Variants in E2F2 observed in about 807,000 individuals in gnomAD.
E2F2 encodes the protein transcription factor E2F2.
A neutral mutation model predicts 42.2 loss-of-function variants in E2F2; 22 were observed. The observed-to-expected ratio is 0.52, with a 90% confidence interval of 0.37 to 0.74. The LOEUF (loss-of-function observed/expected upper bound fraction) is 0.74. Ranked by LOEUF, E2F2 falls within the 30% of genes least tolerant of loss-of-function variation. E2F2 has a pLI of 0.00. For missense variants in E2F2, 481 were observed against 557.8 expected (o/e 0.86, Z 1.39); for synonymous variants, 248 against 251.6 (o/e 0.99, Z 0.13).
chr1:23,516,299 C>T, intron 6 of E2F2, 36 bp downstream of exon 6: 3 of 1,442,936 alleles, frequency 2.1e-6, no homozygotes, highest in Middle Eastern at 2.5e-4. Flanking sequence ...GCCGGTCTCT[C>T]CCCCCACCTC....
At chr1:23,524,698 G>A (rs1643219210) in intron 1 of E2F2, among the ~76,000 whole-genome samples, 1 of 152,156 alleles carries the variant, frequency 6.6e-6, no homozygotes, top group Non-Finnish European at 1.5e-5. Context: ...TTTCTGAAGG[G>A]CAAATAAAAC....
In E2F2 at chr1:23,513,561, C is replaced by CGTGT. The variant is rs1558237706; in HGVS notation, c.1045+2773_1045+2774insACAC. On this transcript the variant is annotated intron_variant, in intron 6 of 6. Transcript: ENST00000361729. ...TACTATTTCAGAACACAGCACGGAA[C>CGTGT]ATGTGTGTGTGTGTGTGTGTGTGTG... 6.9e-3 allele frequency among the ~76,000 whole-genome samples: 805 copies of CGTGT among 116,028 alleles called. 7 individuals are homozygous for CGTGT. The highest frequency in any genetic ancestry group is 0.019 in the African/African-American group (603 of 32,306). The allele number at this position is 116,028 out of a possible 152,430, so 76.1% of individuals were successfully genotyped here.
intron 2 of E2F2, among the ~76,000 whole-genome samples, chr1:23,523,164 T>G (rs1289037762): frequency 6.6e-6 from 1 of 151,634 alleles, no homozygotes; most frequent in Non-Finnish European, 1.5e-5. Context: ...GATTTTTTTT[T>G]TTTTTTGGAG....
chr1:23,526,050 T>C (rs1032830380), intron 1 of E2F2, among the ~76,000 whole-genome samples: 5 of 152,056 alleles, frequency 3.3e-5, no homozygotes, highest in African/African-American at 4.8e-5. Context: ...TGGGCTGATG[T>C]GAGGAGCCCT....
At chr1:23,522,415 T>A (rs1383789468) in intron 2 of E2F2, among the ~76,000 whole-genome samples, 1 of 152,216 alleles carries the variant, frequency 6.6e-6, no homozygotes, top group South Asian at 2.1e-4. Context: ...TACAACACCC[T>A]GTAAGGGTTG....
rs111617578 is a variant in E2F2, at chr1:23,513,278, G to A, written c.1045+3057C>T. The stretch of plus-strand genomic sequence containing the variant: ...CTCACAGTCACCAAGTCACTAAGAA[G>A]TGAGATACAGGCTTGAACACAGGTC... On this transcript the variant is annotated intron_variant, in intron 6 of 6. Coordinates refer to ENST00000361729, the MANE Select transcript of E2F2 (RefSeq NM_004091.4). Among the ~76,000 whole-genome samples the A allele has an allele frequency of 4.1e-3, 621 of 152,238 alleles. 3 individuals carry two copies. The highest frequency in any genetic ancestry group is 7.1e-3 in the Non-Finnish European group (485 of 68,026).
downstream of E2F2, among the ~76,000 whole-genome samples, chr1:23,506,174 C>A (rs752137823): frequency 7.9e-5 from 12 of 152,094 alleles, no homozygotes; most frequent in Non-Finnish European, 1.8e-4. Context: ...GGCAGCAAGA[C>A]CTTTCAGGAA....
intron 5 of E2F2, 106 bp from the exon 6 acceptor site, chr1:23,516,633 CA>C: frequency 1.1e-6 from 1 of 915,242 alleles, no homozygotes; most frequent in Non-Finnish European, 1.6e-6. Context: ...GGTGCAAGCT[CA>C]AACCCTGGGC....
intron 1 of E2F2, among the ~76,000 whole-genome samples, chr1:23,527,914 C>T (rs564419293): frequency 4.6e-5 from 7 of 152,320 alleles, no homozygotes; most frequent in African/African-American, 7.2e-5. Flanking sequence ...GAGGCCAAGG[C>T]GGGTGGATCA....
rs2124277323 is a variant in E2F2, at chr1:23,530,489, T to C, written c.252+53A>G. On this transcript the variant is annotated intron_variant, in intron 1 of 6. Transcript: ENST00000361729. This position sits in a 1 kb window ranked among gnomAD's most constrained non-coding sequence, Gnocchi z 4.4. Reference sequence around the variant, plus strand: ...CTGGATCTCAGGCACCCCTCCCTCCTTTCCCACACCTGGAAAAGCATAGGG... The same window carrying C: ...CTGGATCTCAGGCACCCCTCCCTCCCTTCCCACACCTGGAAAAGCATAGGG... The C allele has an allele frequency of 6.3e-7, 1 of 1,596,606 alleles. No homozygotes were observed. The highest frequency in any genetic ancestry group is 8.5e-7 in the Non-Finnish European group (1 of 1,172,268).
At chr1:23,511,415 T>C (rs1642905950) in intron 6 of E2F2, among the ~76,000 whole-genome samples, 1 of 152,060 alleles carries the variant, frequency 6.6e-6, no homozygotes, top group African/African-American at 2.4e-5. Context: ...TTAAACTTTT[T>C]TGTAGAGACA....
rs1643336048 is a variant in E2F2 at position 23,531,198 on chromosome 1, C to G, written c.-405G>C. 1 of 205,302 alleles carries G rather than the reference C, an allele frequency of 4.9e-6. No individual in the cohort carries two copies. Among genetic ancestry groups the G allele is most frequent in the Non-Finnish European group, 9.7e-6 (1 of 103,342 alleles). 12.7% of individuals were successfully genotyped at this position (205,302 alleles called of 1,614,324 possible). A position where few individuals can be genotyped will look rare whatever the true frequency, so the allele number is the denominator to read the frequency against. On this transcript the variant is annotated 5_prime_UTR_variant, in exon 1 of 7. Coordinates refer to ENST00000361729, the MANE Select transcript of E2F2 (RefSeq NM_004091.4). ...GGGGGGTCTCGACTGCACCGACTTCCTTGCGGCTCGCTCTCTAGTCCTTGA... is the reference window on the plus strand; with the variant it reads ...GGGGGGTCTCGACTGCACCGACTTCGTTGCGGCTCGCTCTCTAGTCCTTGA...
At chr1:23,518,466 G>T (rs1381380315) in intron 5 of E2F2, among the ~76,000 whole-genome samples, 1 of 141,864 alleles carries the variant, frequency 7.0e-6, no homozygotes, top group African/African-American at 2.5e-5. Context: ...GTGAGACTCT[G>T]TCTCAAAAAT....
chr1:23,525,441 C>T (rs1053759081), intron 1 of E2F2, among the ~76,000 whole-genome samples: 2 of 152,192 alleles, frequency 1.3e-5, no homozygotes, highest in African/African-American at 4.8e-5. Flanking sequence ...CCAGCTCCTT[C>T]GCAGGCTCAC....
At chr1:23,517,898 G>A (rs1260333821) in intron 5 of E2F2, among the ~76,000 whole-genome samples, 2 of 152,160 alleles carry the variant, frequency 1.3e-5, no homozygotes, top group Non-Finnish European at 1.5e-5. Flanking sequence ...GGCTAGGTGC[G>A]GTGGTTCACG....
At chr1:23,512,380 A>C (rs1200267717) in intron 6 of E2F2, among the ~76,000 whole-genome samples, 1 of 152,020 alleles carries the variant, frequency 6.6e-6, no homozygotes, top group African/African-American at 2.4e-5. Context: ...AATGGCCCTG[A>C]GGGAGTCCAT....
At chr1:23,529,414 A>G (rs182055880) in intron 1 of E2F2, among the ~76,000 whole-genome samples, 25 of 152,284 alleles carry the variant, frequency 1.6e-4, no homozygotes, top group Non-Finnish European at 3.1e-4. Context: ...CTCTGCCTGC[A>G]TCCAGAGCTG....
intron 2 of E2F2, among the ~76,000 whole-genome samples, chr1:23,523,555 T>C (rs3218159): frequency 0.51 from 77,178 of 151,978 alleles, 23,152 homozygotes; most frequent in East Asian, 0.83. Flanking sequence ...TTAAAAACCT[T>C]TGGGGTGGCA....
In E2F2 at chr1:23,509,763, C is replaced by T; in HGVS notation, c.*117G>A. The T allele has an allele frequency of 1.4e-6, 2 of 1,422,646 alleles. No individual in the cohort carries two copies. Among genetic ancestry groups the T allele is most frequent in the South Asian group, 1.6e-5 (1 of 62,788 alleles). The allele number at this position is 1,422,646 out of a possible 1,614,324, so 88.1% of individuals were successfully genotyped here. A position where few individuals can be genotyped will look rare whatever the true frequency, so the allele number is the denominator to read the frequency against. ...GGCTGGGGCAGGAAAGGCGAGGAGACCCCATGCCCTGAGGGCAGCACCTAG... is the reference window on the plus strand; with the variant it reads ...GGCTGGGGCAGGAAAGGCGAGGAGATCCCATGCCCTGAGGGCAGCACCTAG... On this transcript the variant is annotated 3_prime_UTR_variant, in exon 7 of 7. Transcript: ENST00000361729.
Sources: allele counts gnomAD v4.1 joint callset (sites outside exome capture counted in the v4.1 genomes callset), GRCh38; gene constraint gnomAD v4.1.1; non-coding constraint Gnocchi (gnomAD v3.1); transcripts MANE v1.5; gene names NCBI Gene and HGNC (gene_info 2026-07-23, HGNC 2026-07-21).